Variants in CHCHD3 observed in about 807,000 individuals in gnomAD.
CHCHD3 encodes coiled-coil-helix-coiled-coil-helix domain containing 3.
CHCHD3 carries 20 observed loss-of-function variants against 38.2 expected under a neutral mutation model. The observed-to-expected ratio is 0.52, with a 90% CI of 0.37 to 0.76. CHCHD3 has a LOEUF of 0.76. Among genes scored for constraint, CHCHD3 ranks in the 30% least tolerant of loss-of-function variants. The pLI is 0.00. For missense variants in CHCHD3, 245 were observed against 279.2 expected (o/e 0.88, Z 0.87); for synonymous variants, 82 against 100.0 (o/e 0.82, Z 1.07).
intron 5 of CHCHD3, among the ~76,000 whole-genome samples, chr7:132,870,764 C>CA (rs1210365132): frequency 6.6e-6 from 1 of 152,200 alleles, no homozygotes; most frequent in African/African-American, 2.4e-5. Flanking sequence ...AACACCCACT[C>CA]ACTTGCCTAG....
intron 4 of CHCHD3, among the ~76,000 whole-genome samples, chr7:132,934,752 C>T (rs780342587): frequency 2.0e-5 from 3 of 152,176 alleles, no homozygotes; most frequent in Non-Finnish European, 2.9e-5. Flanking sequence ...ACTGCTAGTT[C>T]ATTCTAGGCA....
At chr7:132,922,388 A>T (rs1303067459) in intron 4 of CHCHD3, among the ~76,000 whole-genome samples, 1 of 152,110 alleles carries the variant, frequency 6.6e-6, no homozygotes, top group Admixed American at 6.5e-5. Flanking sequence ...AATCATCAGT[A>T]CTCAGTTCAC....
chr7:133,081,627 G>T (rs1298400419), intron 1 of CHCHD3, among the ~76,000 whole-genome samples: 1 of 152,180 alleles, frequency 6.6e-6, no homozygotes, highest in East Asian at 1.9e-4. Flanking sequence ...ATTCAACCTG[G>T]CATTCCCCGC....
chr7:132,894,524 C>T (rs150676516), intron 4 of CHCHD3, among the ~76,000 whole-genome samples: 141 of 152,296 alleles, frequency 9.3e-4, no homozygotes, highest in African/African-American at 3.3e-3. Flanking sequence ...TCCTATGGCA[C>T]TTGTTTTTGC....
chr7:133,042,656 A>G (rs1453926154), intron 2 of CHCHD3, among the ~76,000 whole-genome samples: 1 of 152,206 alleles, frequency 6.6e-6, no homozygotes, highest in Non-Finnish European at 1.5e-5. Context: ...AAGATGTTCC[A>G]TGTCCCTACC....
intron 4 of CHCHD3, among the ~76,000 whole-genome samples, chr7:132,889,973 GA>G (rs1240301827): frequency 5.3e-5 from 8 of 152,112 alleles, no homozygotes; most frequent in Non-Finnish European, 1.0e-4. Flanking sequence ...CATATCTTGG[GA>G]AAAAATAATA....
In CHCHD3 at chr7:132,960,650, T is replaced by C. The variant is rs75605855; in HGVS notation, c.369+14519A>G. Among the ~76,000 whole-genome samples, 353 of 152,050 alleles carry C rather than the reference T, an allele frequency of 2.3e-3. 2 individuals carry two copies. Among genetic ancestry groups the C allele is most frequent in the African/African-American group, 7.9e-3 (327 of 41,448 alleles). ...AAAGGAGAAAAACAACGTCAGAAAT[T>C]AGCAAAACAGAAGATCTAATGGTCA... On this transcript the variant is annotated intron_variant, in intron 4 of 7. Coordinates refer to ENST00000262570, the MANE Select transcript of CHCHD3 (RefSeq NM_017812.4).
At chr7:132,968,487 C>G (rs146988436) in intron 4 of CHCHD3, among the ~76,000 whole-genome samples, 11 of 152,280 alleles carry the variant, frequency 7.2e-5, no homozygotes, top group Non-Finnish European at 1.5e-4. Context: ...TCATTAACTT[C>G]ATTTTTGGAA....
chr7:132,900,761 C>T (rs1449062658), intron 4 of CHCHD3, among the ~76,000 whole-genome samples: 7 of 152,158 alleles, frequency 4.6e-5, no homozygotes, highest in Non-Finnish European at 8.8e-5. Flanking sequence ...AAGGCCAAGT[C>T]GGGTGGATCA....
At chr7:133,000,493 G>C (rs1002162116) in intron 3 of CHCHD3, among the ~76,000 whole-genome samples, 1 of 152,024 alleles carries the variant, frequency 6.6e-6, no homozygotes, top group Admixed American at 6.6e-5. Context: ...CCAGAAAAAT[G>C]TCTACAAGGA....
At chr7:132,951,541 T>A (rs911998028) in intron 4 of CHCHD3, among the ~76,000 whole-genome samples, 2 of 152,180 alleles carry the variant, frequency 1.3e-5, no homozygotes, top group African/African-American at 4.8e-5. Flanking sequence ...TGACTGTGCA[T>A]GGTTATACCA....
At chr7:133,023,186 G>T (rs931148113) in intron 3 of CHCHD3, among the ~76,000 whole-genome samples, 3 of 151,970 alleles carry the variant, frequency 2.0e-5, no homozygotes, top group Non-Finnish European at 4.4e-5. Context: ...GGAAACTGTG[G>T]AAATATACAG....
chr7:133,035,328 G>A lies in CHCHD3; in HGVS notation c.170-10701C>T, dbSNP rs1813640164. ...TTCCCCCAAGACAGCCCGGAACTGG[G>A]GCTGGTTAATGCAGGTGAGGAACCA... On this transcript the variant is annotated intron_variant, in intron 2 of 7. Transcript: ENST00000262570. This position sits in a 1 kb window ranked among gnomAD's most constrained non-coding sequence, Gnocchi z 4.7. The A allele has an allele frequency of 1.2e-6, 2 of 1,610,386 alleles. No homozygotes were observed. Among genetic ancestry groups the A allele is most frequent in the Non-Finnish European group, 1.7e-6 (2 of 1,176,688 alleles).
chr7:132,965,929 TATCTA>T (rs1237947087), intron 4 of CHCHD3, among the ~76,000 whole-genome samples: 1 of 152,212 alleles, frequency 6.6e-6, no homozygotes, highest in African/African-American at 2.4e-5. Context: ...CTAAATGCTT[TATCTA>T]ATCAACAAAT....
intron 4 of CHCHD3, among the ~76,000 whole-genome samples, chr7:132,908,652 G>T (rs1264146326): frequency 1.3e-5 from 2 of 152,126 alleles, no homozygotes; most frequent in East Asian, 3.9e-4. Context: ...ATAAGCCCTT[G>T]TAAGTACTGG....
chr7:132,989,854 G>A (rs1028458086), intron 3 of CHCHD3, among the ~76,000 whole-genome samples: 13 of 152,054 alleles, frequency 8.5e-5, no homozygotes, highest in African/African-American at 2.2e-4. Context: ...ATCTTAAACC[G>A]AGATCATCAG....
intron 3 of CHCHD3, among the ~76,000 whole-genome samples, chr7:132,994,950 T>C (rs1168259856): frequency 6.6e-6 from 1 of 152,220 alleles, no homozygotes; most frequent in Non-Finnish European, 1.5e-5. Flanking sequence ...ATCAATTTCA[T>C]GCCTCTCTGA....
intron 3 of CHCHD3, among the ~76,000 whole-genome samples, chr7:132,977,697 A>C (rs886100851): frequency 5.3e-5 from 8 of 152,234 alleles, no homozygotes; most frequent in Admixed American, 2.0e-4. Context: ...ATGAACATAA[A>C]ATGAATTCTG....
intron 4 of CHCHD3, among the ~76,000 whole-genome samples, chr7:132,941,080 C>T (rs1486817096): frequency 6.6e-6 from 1 of 152,074 alleles, no homozygotes; most frequent in African/African-American, 2.4e-5. Flanking sequence ...ACAATTCTAC[C>T]CACTAAAGCA....
Sources: allele counts gnomAD v4.1 joint callset (sites outside exome capture counted in the v4.1 genomes callset), GRCh38; gene constraint gnomAD v4.1.1; non-coding constraint Gnocchi (gnomAD v3.1); transcripts MANE v1.5; gene names NCBI Gene and HGNC (gene_info 2026-07-23, HGNC 2026-07-21).